Variants in IL1RAP observed in about 807,000 individuals in gnomAD.
IL1RAP encodes interleukin-1 receptor accessory protein.
A neutral mutation model predicts 60.7 loss-of-function variants in IL1RAP; 35 were observed. The observed-to-expected ratio is 0.58, with a 90% CI of 0.44 to 0.76. IL1RAP has a LOEUF of 0.76. Ranked by LOEUF, IL1RAP falls within the 30% of genes least tolerant of loss-of-function variation. The probability of loss-of-function intolerance (pLI) is 0.00; values close to 1 mark genes in which losing one functional copy is unlikely to be tolerated. For synonymous variants in IL1RAP, 268 were observed against 250.9 expected (o/e 1.07, Z -0.64); for missense variants, 572 against 693.9 (o/e 0.82, Z 1.97).
chr3:190,537,238 G>A (rs1055997720), intron 1 of IL1RAP, among the ~76,000 whole-genome samples: 2 of 151,986 alleles, frequency 1.3e-5, no homozygotes, highest in African/African-American at 4.8e-5. Context: ...TATTAATAAT[G>A]TTGGCAGGGA....
At chr3:190,605,405 C>G (rs555375800) in intron 4 of IL1RAP, among the ~76,000 whole-genome samples, 1 of 152,162 alleles carries the variant, frequency 6.6e-6, no homozygotes, top group Admixed American at 6.5e-5. Context: ...CAGAATAGCC[C>G]TTTTCAGGGT....
intron 1 of IL1RAP, among the ~76,000 whole-genome samples, chr3:190,553,569 C>CA (rs1327290490): frequency 6.6e-6 from 1 of 152,134 alleles, no homozygotes; most frequent in Non-Finnish European, 1.5e-5. Context: ...GCCATGGATG[C>CA]ATAGCATTCC....
chr3:190,560,735 G>C (rs1234364286), intron 2 of IL1RAP, among the ~76,000 whole-genome samples: 1 of 152,196 alleles, frequency 6.6e-6, no homozygotes, highest in Non-Finnish European at 1.5e-5. Flanking sequence ...GAGTGATGCA[G>C]ATAAGGAGAT....
chr3:190,610,610 T>C (rs540245169), intron 5 of IL1RAP, among the ~76,000 whole-genome samples: 1 of 152,204 alleles, frequency 6.6e-6, no homozygotes, highest in East Asian at 1.9e-4. Flanking sequence ...AGATGACCTT[T>C]CATAATAATA....
chr3:190,651,003 C>G lies in IL1RAP; in HGVS notation c.*2298C>G. 1 of 985,000 alleles carries G rather than the reference C, an allele frequency of 1.0e-6. No individual in the cohort carries two copies. 61.0% of individuals were successfully genotyped at this position (985,000 alleles called of 1,614,324 possible). On this transcript the variant is annotated 3_prime_UTR_variant, in exon 12 of 12. Transcript: ENST00000447382. The stretch of plus-strand genomic sequence containing the variant: ...TGCCTGCCTTTGGTACTTAATTTTA[C>G]AAATGCTGTAATATAAAGCATATCA...
intron 5 of IL1RAP, among the ~76,000 whole-genome samples, chr3:190,611,493 A>T (rs1287040953): frequency 6.6e-6 from 1 of 152,242 alleles, no homozygotes; most frequent in Non-Finnish European, 1.5e-5. Flanking sequence ...TGTATAGATT[A>T]AAAGAAACAT....
At chr3:190,639,464 T>C (rs138209619) in intron 9 of IL1RAP, among the ~76,000 whole-genome samples, 1,544 of 152,290 alleles carry the variant, frequency 0.01, 8 homozygotes, top group South Asian at 0.017. Context: ...CATATCTTCA[T>C]TGAAAGGTCC....
chr3:190,533,035 C>T (rs1389530321), intron 1 of IL1RAP, among the ~76,000 whole-genome samples: 1 of 152,158 alleles, frequency 6.6e-6, no homozygotes, highest in Non-Finnish European at 1.5e-5. Context: ...TCAAAAACCC[C>T]TAGTCTCCTA....
chr3:190,585,006 A>G (rs1322612575), intron 3 of IL1RAP, among the ~76,000 whole-genome samples: 2 of 152,198 alleles, frequency 1.3e-5, no homozygotes, highest in Non-Finnish European at 2.9e-5. Flanking sequence ...AACCCACGAA[A>G]TAATGTCCCG....
intron 1 of IL1RAP, among the ~76,000 whole-genome samples, chr3:190,537,851 C>T (rs1374825481): frequency 6.6e-6 from 1 of 152,056 alleles, no homozygotes; most frequent in Non-Finnish European, 1.5e-5. Flanking sequence ...CATTCTAGGC[C>T]TGTTTTCTGT....
At chr3:190,556,251 T>TAA (rs1199568917) in intron 2 of IL1RAP, 35 bp downstream of exon 2, 1 of 152,162 alleles carries the variant, frequency 6.6e-6, no homozygotes, top group African/African-American at 2.4e-5. Flanking sequence ...AAGCAATTTA[T>TAA]AAAACATTTC....
At chr3:190,590,151 A>G (rs111807746) in intron 3 of IL1RAP, among the ~76,000 whole-genome samples, 3,893 of 152,256 alleles carry the variant, frequency 0.026, 75 homozygotes, top group Non-Finnish European at 0.04. Flanking sequence ...TTTACCGCTA[A>G]CAACAGCTCT....
At position 190,620,339 on chromosome 3, in the gene IL1RAP, T is replaced by C. The variant is rs368254828; in HGVS notation, c.602T>C (p.Ile201Thr). Residue 201 changes from isoleucine (I) to threonine (T), a missense_variant, in exon 6 of 12, where the codon ATT (isoleucine) becomes ACT (threonine). Transcript: ENST00000447382. Reference sequence around the variant, plus strand: ...GAAGGTATGAACTTGAGTTTCCTCATTGCCTTAATTTCAAATAATGGAAAT... The same window carrying C: ...GAAGGTATGAACTTGAGTTTCCTCACTGCCTTAATTTCAAATAATGGAAAT... ...IPEGMNLSFL[I>T]ALISNNGNYT... 14 of 1,607,512 alleles carry C rather than the reference T, an allele frequency of 8.7e-6. No individual in the cohort carries two copies. The highest frequency in any genetic ancestry group is 1.2e-5 in the Non-Finnish European group (14 of 1,174,398).
chr3:190,649,204 A>G lies in IL1RAP; in HGVS notation c.*499A>G, dbSNP rs932650425. Reference sequence around the variant, plus strand: ...TGAACTTTTTTCCTCATTCGGCTGTATAATACATAACCACAGCAAGACTGA... The same window carrying G: ...TGAACTTTTTTCCTCATTCGGCTGTGTAATACATAACCACAGCAAGACTGA... On this transcript the variant is annotated 3_prime_UTR_variant, in exon 12 of 12. Coordinates refer to ENST00000447382, the MANE Select transcript of IL1RAP (RefSeq NM_002182.4). The G allele has an allele frequency of 2.4e-5, 24 of 986,906 alleles. No homozygotes were observed. The Admixed American group carries it at 5.4e-4, about 22-fold the overall frequency. 61.1% of individuals were successfully genotyped at this position (986,906 alleles called of 1,614,324 possible).
At chr3:190,655,566 T>C (rs1386759630), downstream of IL1RAP, among the ~76,000 whole-genome samples, 1 of 132,498 alleles carries the variant, frequency 7.5e-6, no homozygotes, top group Non-Finnish European at 1.5e-5. Flanking sequence ...ACCGTGTGTG[T>C]GTGTGTGTGT....
chr3:190,573,022 C>T lies in IL1RAP; in HGVS notation c.64+8669C>T, dbSNP rs1339736501. Reference sequence around the variant, plus strand: ...GGGACTACAGGCGCCCGCCACCACGCCCGGCTAATTTTTTGTATTTTTAGT... The same window carrying T: ...GGGACTACAGGCGCCCGCCACCACGTCCGGCTAATTTTTTGTATTTTTAGT... On this transcript the variant is annotated intron_variant, in intron 3 of 11. Coordinates refer to ENST00000447382, the MANE Select transcript of IL1RAP (RefSeq NM_002182.4). Among the ~76,000 whole-genome samples, 6 of 90,150 alleles carry T rather than the reference C, an allele frequency of 6.7e-5. 2 individuals are homozygous for T. The highest frequency in any genetic ancestry group is 1.5e-4 in the Non-Finnish European group (6 of 40,398). 59.1% of individuals were successfully genotyped at this position (90,150 alleles called of 152,430 possible). A position where few individuals can be genotyped will look rare whatever the true frequency, so the allele number is the denominator to read the frequency against.
downstream of IL1RAP, among the ~76,000 whole-genome samples, chr3:190,655,557 CCG>C (rs1491132163): frequency 9.8e-6 from 1 of 102,532 alleles, no homozygotes; most frequent in African/African-American, 3.8e-5. Context: ...CAATTGCCCA[CCG>C]TGTGTGTGTG....
intron 4 of IL1RAP, among the ~76,000 whole-genome samples, 181 bp downstream of exon 4, chr3:190,604,594 G>A (rs985373293): frequency 1.3e-5 from 2 of 152,086 alleles, no homozygotes; most frequent in Non-Finnish European, 2.9e-5. Flanking sequence ...ATTGGTTGTG[G>A]CCCTTAGAAT....
chr3:190,567,148 C>T (rs997627889), intron 3 of IL1RAP, among the ~76,000 whole-genome samples: 3 of 152,192 alleles, frequency 2.0e-5, no homozygotes, highest in South Asian at 4.1e-4. Context: ...GTGAACTGGC[C>T]GTGAAGTCAT....
Sources: gnomAD v4.1 joint callset for allele counts (sites outside exome capture counted in the v4.1 genomes callset) on GRCh38, gnomAD v4.1.1 for gene constraint, MANE v1.5 for transcripts, NCBI Gene and HGNC (gene_info 2026-07-23, HGNC 2026-07-21) for gene names.